TMEM245: variants seen among roughly 807,000 people sequenced by gnomAD.
TMEM245 encodes the protein transmembrane protein 245, also known as protein CG-2.
TMEM245 carries 69 observed loss-of-function variants against 101.2 expected under a neutral mutation model. The ratio of observed to expected loss-of-function variants is 0.68; its 90% CI spans 0.56 to 0.83. The LOEUF (loss-of-function observed/expected upper bound fraction) is 0.83, where lower values mean the gene tolerates loss of function less well. Ranked by LOEUF, TMEM245 falls within the 40% of genes least tolerant of loss-of-function variation. TMEM245 has a pLI of 0.00. For missense variants in TMEM245, 1,075 were observed against 1,092.8 expected (o/e 0.98, Z 0.23); for synonymous variants, 537 against 449.8 (o/e 1.19, Z -2.45).
intron 14 of TMEM245, 166 bp from the exon 15 acceptor site, chr9:109,038,283 T>A: frequency 2.2e-6 from 1 of 463,276 alleles, no homozygotes; most frequent in Non-Finnish European, 3.8e-6. Flanking sequence ...ACACCTTACT[T>A]TAAATACATT....
chr9:109,119,779 G>A lies in TMEM245; in HGVS notation c.135C>T (p.Arg45=). 1.3e-6 allele frequency: 2 copies of A among 1,483,248 alleles called. No individual in the cohort carries two copies. The highest frequency in any genetic ancestry group is 1.8e-6 in the Non-Finnish European group (2 of 1,120,424). 91.9% of individuals were successfully genotyped at this position (1,483,248 alleles called of 1,614,324 possible). ...AGGCCTGCTTAATGGGCTTGTCGAA[G>A]CGCAGCGCCAGCGCCGCGGTCCGCG... ...ETPRTAALAL[R]FDKPIKQAFY... The change falls in exon 1 of 18, where the codon CGC becomes CGT. Residue 45 remains arginine, a synonymous_variant. Coordinates refer to ENST00000374586, the MANE Select transcript of TMEM245 (RefSeq NM_032012.4).
intron 9 of TMEM245, among the ~76,000 whole-genome samples, chr9:109,068,369 CAAAAA>C (rs34301291): frequency 1.9e-5 from 2 of 102,986 alleles, no homozygotes. Flanking sequence ...GACACCATCT[CAAAAA>C]AAAAAAAAAA....
chr9:109,039,206 G>C (rs1403467314), intron 14 of TMEM245: 1 of 152,136 alleles, frequency 6.6e-6, no homozygotes, highest in East Asian at 1.9e-4. Context: ...GGGCAGAGTG[G>C]CTCCCCAATT....
rs144702269 is a variant in TMEM245, at chr9:109,086,513, A to G, written c.1321-493T>C. Among the ~76,000 whole-genome samples, 40 of 152,300 alleles carry G rather than the reference A, an allele frequency of 2.6e-4. 1 individual carries two copies. The East Asian group carries it at 3.9e-3, about 15-fold the overall frequency. On this transcript the variant is annotated intron_variant, in intron 6 of 17. Coordinates refer to ENST00000374586, the MANE Select transcript of TMEM245 (RefSeq NM_032012.4). ...TCCTACACAAATTCCTAATACTTACATAGAGCTCACTGTGTACCAGGCAAT... is the reference window on the plus strand; with the variant it reads ...TCCTACACAAATTCCTAATACTTACGTAGAGCTCACTGTGTACCAGGCAAT...
chr9:109,107,147 G>C (rs994599841), intron 2 of TMEM245, among the ~76,000 whole-genome samples: 3 of 152,002 alleles, frequency 2.0e-5, no homozygotes, highest in African/African-American at 7.3e-5. Flanking sequence ...CAGCACTTTG[G>C]GGGGCTGAGG....
At chr9:109,040,592 T>C (rs903888963) in intron 14 of TMEM245, among the ~76,000 whole-genome samples, 1 of 152,228 alleles carries the variant, frequency 6.6e-6, no homozygotes, top group African/African-American at 2.4e-5. Context: ...CCATACATTA[T>C]ATAGCTTTGT....
At chr9:109,060,790 T>G (rs1179656836) in intron 10 of TMEM245, among the ~76,000 whole-genome samples, 1 of 152,214 alleles carries the variant, frequency 6.6e-6, no homozygotes, top group African/African-American at 2.4e-5. Flanking sequence ...CCAGTGACCT[T>G]CCATTATACA....
At chr9:109,049,257 AG>A (rs1828598722) in intron 14 of TMEM245, among the ~76,000 whole-genome samples, 1 of 152,212 alleles carries the variant, frequency 6.6e-6, no homozygotes, top group Admixed American at 6.5e-5. Flanking sequence ...TCTGTTGCCT[AG>A]GCTGCAGTGC....
intron 16 of TMEM245, among the ~76,000 whole-genome samples, chr9:109,034,427 A>T (rs142279138): frequency 6.6e-6 from 1 of 152,332 alleles, no homozygotes; most frequent in South Asian, 2.1e-4. Context: ...CTTCTTCCCT[A>T]AACAACACAT....
In TMEM245 at chr9:109,050,655, A is replaced by G; in HGVS notation, c.1892T>C (p.Val631Ala). 1.2e-6 allele frequency: 2 copies of G among 1,613,438 alleles called. No individual in the cohort carries two copies. The highest frequency in any genetic ancestry group is 1.7e-6 in the Non-Finnish European group (2 of 1,179,918). The change falls in exon 13 of 18, where the codon GTG becomes GCG. Residue 631 changes from valine (V) to alanine (A), a missense_variant. By Grantham distance (64) the Val-to-Ala change is moderately conservative. Coordinates refer to ENST00000374586, the MANE Select transcript of TMEM245 (RefSeq NM_032012.4). The stretch of plus-strand genomic sequence containing the variant: ...AGTGACAGTGGTGAACAGCAGGCTC[A>G]CATTCCGGCTCATAACGATCCACAG... ...ESLWIVMSRN[V>A]SLLFTTVTTL...
chr9:109,062,612 T>C (rs1033398304), intron 10 of TMEM245, among the ~76,000 whole-genome samples: 1 of 152,228 alleles, frequency 6.6e-6, no homozygotes, highest in Non-Finnish European at 1.5e-5. Context: ...TGCAAACGTA[T>C]CTGTTCATAT....
chr9:109,031,530 T>C (rs1827943898), intron 17 of TMEM245, among the ~76,000 whole-genome samples: 1 of 152,186 alleles, frequency 6.6e-6, no homozygotes, highest in African/African-American at 2.4e-5. Context: ...ACCTACTATA[T>C]GATTTCTTTT....
intron 4 of TMEM245, among the ~76,000 whole-genome samples, chr9:109,093,156 A>C (rs1830053447): frequency 6.6e-6 from 1 of 152,142 alleles, no homozygotes; most frequent in Admixed American, 6.6e-5. Context: ...GGGAAAGGTA[A>C]ATGGAGACGG....
At chr9:109,023,746 G>A (rs2132274660) in intron 17 of TMEM245, among the ~76,000 whole-genome samples, 1 of 151,634 alleles carries the variant, frequency 6.6e-6, no homozygotes, top group Non-Finnish European at 1.5e-5. Context: ...TGAGGCAGGA[G>A]AATGGCGTGA....
chr9:109,023,594 G>A (rs1012310733), intron 17 of TMEM245, among the ~76,000 whole-genome samples: 1 of 152,108 alleles, frequency 6.6e-6, no homozygotes, highest in Non-Finnish European at 1.5e-5. Flanking sequence ...CAGCACTTTG[G>A]GAGGCCGAGG....
At chr9:109,105,038 T>A (rs895167613) in intron 3 of TMEM245, among the ~76,000 whole-genome samples, 1 of 152,098 alleles carries the variant, frequency 6.6e-6, no homozygotes, top group Non-Finnish European at 1.5e-5. Context: ...TTTCTTTGCA[T>A]CAAAAGAGAC....
rs41278371 is a variant in TMEM245 at position 109,016,588 on chromosome 9, A to G, written c.*3872T>C. On this transcript the variant is annotated 3_prime_UTR_variant, in exon 18 of 18. Coordinates refer to ENST00000374586, the MANE Select transcript of TMEM245 (RefSeq NM_032012.4). The stretch of plus-strand genomic sequence containing the variant: ...CACAGAATTTCTGACTCTAGTAGAC[A>G]GAACAACTTGATTTATAATTCTCTT... The G allele has an allele frequency of 6.6e-6, 1 of 152,234 alleles. No homozygotes were observed. The highest frequency in any genetic ancestry group is 1.5e-5 in the Non-Finnish European group (1 of 68,016). The allele number at this position is 152,234 out of a possible 1,614,324, so 9.4% of individuals were successfully genotyped here. A position where few individuals can be genotyped will look rare whatever the true frequency, so the allele number is the denominator to read the frequency against.
chr9:109,068,468 CCT>C (rs1829237702), intron 9 of TMEM245, among the ~76,000 whole-genome samples: 1 of 151,746 alleles, frequency 6.6e-6, no homozygotes, highest in East Asian at 1.9e-4. Flanking sequence ...ATGGTAAAAC[CCT>C]CTCTTACTAA....
chr9:109,106,478 G>C (rs779134680), intron 3 of TMEM245, 30 bp downstream of exon 3: 4 of 1,404,954 alleles, frequency 2.8e-6, no homozygotes, highest in Admixed American at 1.9e-5. Context: ...ACTTCAAAGA[G>C]TAGTATTAAT....
Sources: allele counts gnomAD v4.1 joint callset (sites outside exome capture counted in the v4.1 genomes callset), GRCh38; gene constraint gnomAD v4.1.1; transcripts MANE v1.5; gene names NCBI Gene and HGNC (gene_info 2026-07-23, HGNC 2026-07-21).